ADAMTS20: variants seen among roughly 807,000 people sequenced by gnomAD.
ADAMTS20 encodes the protein ADAM metallopeptidase with thrombospondin type 1 motif 20.
Under a neutral mutation model 260.1 loss-of-function variants are expected in ADAMTS20, and 225 were observed. That is an observed-to-expected ratio of 0.87 (90% CI 0.78 to 0.97). The LOEUF is 0.97. ADAMTS20 is among the 50% of genes least tolerant of loss of function. The pLI is 0.00. For synonymous variants in ADAMTS20, 802 were observed against 769.5 expected (o/e 1.04, Z -0.70); for missense variants, 2,400 against 2,337.7 (o/e 1.03, Z -0.55).
intron 29 of ADAMTS20, 125 bp from the exon 30 acceptor site, chr12:43,384,102 T>TA (rs937792390): frequency 6.8e-6 from 6 of 886,618 alleles, no homozygotes; most frequent in Non-Finnish European, 8.1e-6. Context: ...ATGAATTAGA[T>TA]AAAAAATACA....
intron 28 of ADAMTS20, among the ~76,000 whole-genome samples, chr12:43,420,953 G>A (rs763594199): frequency 5.3e-5 from 8 of 150,732 alleles, no homozygotes; most frequent in African/African-American, 1.5e-4. Flanking sequence ...GATTACAGGC[G>A]CATGCCACCA....
Position 43,376,154 on chromosome 12 carries a change from G to GA in ADAMTS20, c.5221-7dup. On this transcript the variant is annotated splice_polypyrimidine_tract_variant and splice_region_variant and intron_variant, in intron 34 of 38. Coordinates refer to ENST00000389420, the MANE Select transcript of ADAMTS20 (RefSeq NM_025003.5). ...TACATGTCTGCACAATAAATCTAAA[G>GA]AAAAAATGTAAACATCTAGAAAAAC... 1 of 1,588,582 alleles carries GA rather than the reference G, an allele frequency of 6.3e-7. No individual in the cohort carries two copies. Among genetic ancestry groups the GA allele is most frequent in the Non-Finnish European group, 8.6e-7 (1 of 1,169,588 alleles).
chr12:43,379,485 G>T (rs555144190), intron 31 of ADAMTS20, among the ~76,000 whole-genome samples: 4 of 151,714 alleles, frequency 2.6e-5, no homozygotes, highest in African/African-American at 9.7e-5. Flanking sequence ...CTGACCTCAA[G>T]GCTCTACACA....
intron 7 of ADAMTS20, among the ~76,000 whole-genome samples, chr12:43,476,206 A>G (rs1942350920): frequency 1.4e-5 from 1 of 71,258 alleles, no homozygotes; most frequent in Non-Finnish European, 2.7e-5. Context: ...ACACTTCTCA[A>G]AAGAAGACAT....
At chr12:43,420,172 G>T (rs766539254) in intron 28 of ADAMTS20, among the ~76,000 whole-genome samples, 4 of 152,112 alleles carry the variant, frequency 2.6e-5, no homozygotes, top group Non-Finnish European at 5.9e-5. Flanking sequence ...TAAATCACAT[G>T]GTTGTTACTG....
rs769356666 is a variant in ADAMTS20 at position 43,376,518 on chromosome 12, A to G, written c.5125+6T>C. On this transcript the variant is annotated splice_donor_region_variant and intron_variant, in intron 33 of 38. Transcript: ENST00000389420. ...AGGTATTAGATTTTTGAAGTCTACT[A>G]CTTACAGTCATTGGCATAACATTTC... 1 of 1,610,116 alleles carries G rather than the reference A, an allele frequency of 6.2e-7. No homozygotes were observed. Among genetic ancestry groups the G allele is most frequent in the Non-Finnish European group, 8.5e-7 (1 of 1,178,826 alleles).
At chr12:43,462,860 T>G (rs1480938125) in intron 11 of ADAMTS20, 35 bp downstream of exon 11, 1 of 1,516,810 alleles carries the variant, frequency 6.6e-7, no homozygotes, top group Middle Eastern at 1.7e-4. Flanking sequence ...TTGGATAATA[T>G]CTTCATACAA....
intron 11 of ADAMTS20, among the ~76,000 whole-genome samples, chr12:43,458,122 A>T (rs1824123980): frequency 6.6e-6 from 1 of 152,182 alleles, no homozygotes; most frequent in Non-Finnish European, 1.5e-5. Flanking sequence ...AATACATAAG[A>T]AGTACATTAG....
chr12:43,398,776 T>C (rs10785428), intron 29 of ADAMTS20, among the ~76,000 whole-genome samples: 115,839 of 151,956 alleles, frequency 0.76, 45,269 homozygotes, highest in East Asian at 1. Flanking sequence ...TTTGGGAGGA[T>C]AAGATGGGAG....
At position 43,431,458 on chromosome 12, in the gene ADAMTS20, C is replaced by T. The variant is rs771535364; in HGVS notation, c.3135G>A (p.Gln1045=). ...VTCGKGTKQR[Q]VWCQLNVDHL... is the part of the protein sequence containing the mutation. ...GATCTACATTCAGCTGACACCATAC[C>T]TGCCGCTGCTTTGTTCCTTTACCAC... The change falls in exon 22 of 39, where the codon CAG becomes CAA. Residue 1045 remains glutamine, a synonymous_variant. Coordinates refer to ENST00000389420, the MANE Select transcript of ADAMTS20 (RefSeq NM_025003.5). 1.9e-6 allele frequency: 3 copies of T among 1,613,870 alleles called. No individual in the cohort carries two copies. Among genetic ancestry groups the T allele is most frequent in the Non-Finnish European group, 2.5e-6 (3 of 1,179,874 alleles).
intron 28 of ADAMTS20, among the ~76,000 whole-genome samples, chr12:43,419,482 T>G (rs1941189638): frequency 6.6e-6 from 1 of 152,176 alleles, no homozygotes; most frequent in Non-Finnish European, 1.5e-5. Flanking sequence ...CTTATATATC[T>G]TCTATAAACA....
At chr12:43,501,887 A>G (rs1345241691) in intron 4 of ADAMTS20, among the ~76,000 whole-genome samples, 2 of 152,190 alleles carry the variant, frequency 1.3e-5, no homozygotes, top group Non-Finnish European at 2.9e-5. Context: ...GAAGCCATTC[A>G]TGTGAGAAAG....
chr12:43,492,253 G>A (rs988053067), intron 6 of ADAMTS20, among the ~76,000 whole-genome samples: 9 of 151,908 alleles, frequency 5.9e-5, no homozygotes, highest in Admixed American at 3.3e-4. Context: ...GGTGGCGGGC[G>A]CCTGTAGTCC....
At chr12:43,424,698 G>A (rs576571980) in intron 28 of ADAMTS20, among the ~76,000 whole-genome samples, 6 of 151,896 alleles carry the variant, frequency 4.0e-5, no homozygotes, top group Admixed American at 6.6e-5. Context: ...CAAGCACAAC[G>A]TCAACATTAT....
At chr12:43,452,448 T>G (rs1941884349) in intron 13 of ADAMTS20, 38 bp from the exon 14 acceptor site, 1 of 1,607,100 alleles carries the variant, frequency 6.2e-7, no homozygotes, top group African/African-American at 1.3e-5. Context: ...TAATGTATAA[T>G]AATAAAGCTA....
At chr12:43,389,794 G>A (rs978427944) in intron 29 of ADAMTS20, among the ~76,000 whole-genome samples, 1 of 152,090 alleles carries the variant, frequency 6.6e-6, no homozygotes, top group African/African-American at 2.4e-5. Context: ...ATTTCCATCT[G>A]AGACCTCATG....
Position 43,500,551 on chromosome 12 carries a change from A to G in ADAMTS20, c.867+1601T>C, listed in dbSNP as rs1942743791. On this transcript the variant is annotated intron_variant, in intron 4 of 38. Coordinates refer to ENST00000389420, the MANE Select transcript of ADAMTS20 (RefSeq NM_025003.5). ...TAATTTTACTTCAAATTCAGAATTTAAAAAAAGTAATTAGGATAAATTTCT... is the reference window on the plus strand; with the variant it reads ...TAATTTTACTTCAAATTCAGAATTTGAAAAAAGTAATTAGGATAAATTTCT... Among the ~76,000 whole-genome samples, 3 of 152,356 alleles carry G rather than the reference A, an allele frequency of 2.0e-5. No individual in the cohort carries two copies. The South Asian group carries it at 6.2e-4, about 32-fold the overall frequency.
At chr12:43,360,427 C>A (rs554026554) in intron 37 of ADAMTS20, among the ~76,000 whole-genome samples, 15 of 151,620 alleles carry the variant, frequency 9.9e-5, no homozygotes, top group Non-Finnish European at 1.6e-4. Flanking sequence ...CCAGCCTGGG[C>A]GACAGAGCAC....
intron 3 of ADAMTS20, among the ~76,000 whole-genome samples, chr12:43,520,717 A>T (rs1000696266): frequency 1.3e-5 from 2 of 152,158 alleles, no homozygotes; most frequent in South Asian, 4.1e-4. Context: ...ACTCTTTAAA[A>T]CACCATTAAC....
Sources: allele counts gnomAD v4.1 joint callset (sites outside exome capture counted in the v4.1 genomes callset), GRCh38; gene constraint gnomAD v4.1.1; transcripts MANE v1.5; gene names NCBI Gene and HGNC (gene_info 2026-07-23, HGNC 2026-07-21).